POU2F3: variants seen among roughly 807,000 people sequenced by gnomAD.
POU2F3 encodes POU domain, class 2, transcription factor 3.
Under a neutral mutation model 59.2 loss-of-function variants are expected in POU2F3, and 23 were observed. The observed-to-expected ratio is 0.39, with a 90% confidence interval of 0.28 to 0.55. The LOEUF is 0.55. POU2F3 is among the 20% of genes least tolerant of loss of function. POU2F3 has a pLI of 0.66. For synonymous variants in POU2F3, 190 were observed against 214.6 expected, an observed-to-expected ratio of 0.89 and a Z score of 1.00; for missense variants, 473 against 544.5, an observed-to-expected ratio of 0.87 and a Z score of 1.31.
intron 2 of POU2F3, among the ~76,000 whole-genome samples, chr11:120,249,021 T>TG (rs944477839): frequency 6.6e-6 from 1 of 152,184 alleles, no homozygotes; most frequent in African/African-American, 2.4e-5. Flanking sequence ...CAAGGGGTAC[T>TG]GGGGGGTAAG....
rs574702005 is a variant in POU2F3, at chr11:120,288,960, CTT to C, written c.133-9303_133-9302del. Among the ~76,000 whole-genome samples, 50 of 152,274 alleles carry C rather than the reference CTT, an allele frequency of 3.3e-4. No individual in the cohort carries two copies. In the South Asian group the frequency reaches 5.4e-3, roughly 16 times the overall value. ...GCAAAAGAAGCAGCTCTACAGCTAACTTTGTCATCTTGTGAACTGTAACATTC... is the reference window on the plus strand; with the variant it reads ...GCAAAAGAAGCAGCTCTACAGCTAACTGTCATCTTGTGAACTGTAACATTC... On this transcript the variant is annotated intron_variant, in intron 3 of 12. Coordinates refer to ENST00000543440, the MANE Select transcript of POU2F3 (RefSeq NM_014352.4).
upstream of POU2F3, among the ~76,000 whole-genome samples, chr11:120,237,580 A>G (rs1015262499): frequency 2.6e-5 from 4 of 152,214 alleles, no homozygotes; most frequent in African/African-American, 9.7e-5. Flanking sequence ...AAGAAATGTG[A>G]CTTTGCACAT....
chr11:120,309,440 T>G lies in POU2F3; in HGVS notation c.922T>G (p.Ser308Ala), dbSNP rs534104929. The G allele has an allele frequency of 4.3e-6, 7 of 1,613,852 alleles. No individual in the cohort carries two copies. The highest frequency in any genetic ancestry group is 4.0e-5 in the African/African-American group (3 of 74,978). ...KRFQDNPKPS[S>A]EEISMIAEQL... ...GTGCCTATAGAACCCAAAACCCAGC[T>G]CGGAGGAGATCTCCATGATTGCAGA... The change falls in exon 10 of 13, where the codon TCG (serine) becomes GCG (alanine). Residue 308 changes from serine to alanine, a missense_variant. Coordinates refer to ENST00000543440, the MANE Select transcript of POU2F3 (RefSeq NM_014352.4).
At position 120,247,051 on chromosome 11, in the gene POU2F3, G is replaced by A. The variant is rs947275022; in HGVS notation, c.97+534G>A. On this transcript the variant is annotated intron_variant, in intron 2 of 12. Coordinates refer to ENST00000543440, the MANE Select transcript of POU2F3 (RefSeq NM_014352.4). ...TAGTCCCAGCTAGTCAGCAGGCCAA[G>A]GTGGGAGGATTCCTTGAGCCTAGGA... is the stretch of plus-strand genomic sequence containing the variant. 2.7e-4 allele frequency among the ~76,000 whole-genome samples: 41 copies of A among 152,194 alleles called. 1 individual carries two copies. Among genetic ancestry groups the A allele is most frequent in the Admixed American group, 6.5e-5 (1 of 15,278 alleles).
intron 10 of POU2F3, among the ~76,000 whole-genome samples, chr11:120,313,495 A>G (rs1418914336): frequency 6.6e-6 from 1 of 152,216 alleles, no homozygotes; most frequent in Admixed American, 6.5e-5. Flanking sequence ...TTTGGGTCTC[A>G]TTGAGACAGT....
chr11:120,259,610 G>A (rs1317521287), intron 2 of POU2F3, among the ~76,000 whole-genome samples: 5 of 152,190 alleles, frequency 3.3e-5, no homozygotes, highest in Non-Finnish European at 7.3e-5. Flanking sequence ...TCTTCAGGTG[G>A]CTTCAAGGAT....
At chr11:120,291,874 T>A (rs1030433053) in intron 3 of POU2F3, among the ~76,000 whole-genome samples, 1 of 151,712 alleles carries the variant, frequency 6.6e-6, no homozygotes, top group Non-Finnish European at 1.5e-5. Flanking sequence ...AGTGGCGCAA[T>A]CTTGGCTTAC....
At chr11:120,304,942 T>TTA (rs1941442834) in intron 6 of POU2F3, 88 bp from the exon 7 acceptor site, 2 of 306,740 alleles carry the variant, frequency 6.5e-6, no homozygotes, top group African/African-American at 1.1e-4. Flanking sequence ...GGCCTATTAG[T>TTA]AAAAAAAAAA....
intron 3 of POU2F3, among the ~76,000 whole-genome samples, chr11:120,282,167 C>A (rs1369219146): frequency 6.6e-6 from 1 of 152,140 alleles, no homozygotes; most frequent in East Asian, 1.9e-4. Flanking sequence ...TTACCTGTGC[C>A]CTGGTGCTTC....
intron 2 of POU2F3, among the ~76,000 whole-genome samples, chr11:120,258,631 T>G (rs947548493): frequency 1.2e-4 from 18 of 152,204 alleles, no homozygotes; most frequent in Non-Finnish European, 1.6e-4. Flanking sequence ...TTTAACTTCC[T>G]TTGAAGTTGG....
chr11:120,274,811 C>G (rs1423965861), intron 3 of POU2F3, among the ~76,000 whole-genome samples: 1 of 151,934 alleles, frequency 6.6e-6, no homozygotes, highest in African/African-American at 2.4e-5. Context: ...GAGAAGGGCA[C>G]TTAAGGGACA....
chr11:120,284,931 T>C (rs954342620), intron 3 of POU2F3, among the ~76,000 whole-genome samples: 25 of 152,140 alleles, frequency 1.6e-4, no homozygotes, highest in African/African-American at 6.0e-4. Context: ...TGTTGACACG[T>C]TTGTTTATTC....
intron 5 of POU2F3, among the ~76,000 whole-genome samples, chr11:120,300,609 C>T (rs1191990221): frequency 6.6e-6 from 1 of 152,042 alleles, no homozygotes; most frequent in African/African-American, 2.4e-5. Flanking sequence ...ACTAAAAATA[C>T]AAAAATTTGC....
upstream of POU2F3, chr11:120,240,062 GGCCTGGGGCCAGGCGCGGGGCTCCT>G (rs1239372537): frequency 9.2e-7 from 1 of 1,092,396 alleles, no homozygotes; most frequent in Non-Finnish European, 1.1e-6. Flanking sequence ...GCTTTGCATG[GGCCTGGGGCCAGGCGCGGGGCTCCT>G]GCCAGGGGGC....
intron 2 of POU2F3, among the ~76,000 whole-genome samples, chr11:120,252,467 C>T (rs1393817050): frequency 6.6e-6 from 1 of 152,156 alleles, no homozygotes; most frequent in Non-Finnish European, 1.5e-5. Context: ...ATCGGCCTCC[C>T]AAAGTGCTGG....
intron 5 of POU2F3, chr11:120,300,794 A>T (rs1361388766): frequency 6.8e-6 from 2 of 293,922 alleles, no homozygotes; most frequent in Non-Finnish European, 1.3e-5. Context: ...GGAAGTATAA[A>T]CTCTCTCCTG....
At chr11:120,293,603 C>T (rs1941104451) in intron 3 of POU2F3, among the ~76,000 whole-genome samples, 1 of 152,164 alleles carries the variant, frequency 6.6e-6, no homozygotes, top group Non-Finnish European at 1.5e-5. Flanking sequence ...GTTTATGAAA[C>T]ACTTTCCACA....
intron 3 of POU2F3, among the ~76,000 whole-genome samples, chr11:120,277,170 A>G (rs993642598): frequency 6.6e-6 from 1 of 152,242 alleles, no homozygotes; most frequent in African/African-American, 2.4e-5. Flanking sequence ...GCACGCCTGT[A>G]ATCCCAGCTA....
chr11:120,252,769 C>T (rs1028432595), intron 2 of POU2F3, among the ~76,000 whole-genome samples: 2 of 152,198 alleles, frequency 1.3e-5, no homozygotes, highest in African/African-American at 4.8e-5. Context: ...TAGATTCCCA[C>T]GCCAACACCC....
Sources: gnomAD v4.1 joint callset for allele counts (sites outside exome capture counted in the v4.1 genomes callset) on GRCh38, gnomAD v4.1.1 for gene constraint, MANE v1.5 for transcripts, NCBI Gene and HGNC (gene_info 2026-07-23, HGNC 2026-07-21) for gene names.